Variants in TACC2 observed in about 807,000 individuals in gnomAD.
TACC2 encodes transforming acidic coiled-coil-containing protein 2.
In TACC2, 137 loss-of-function variants were observed where a neutral mutation model predicts 227.3. The ratio of observed to expected loss-of-function variants is 0.60; its 90% CI spans 0.52 to 0.69. The LOEUF (loss-of-function observed/expected upper bound fraction) is 0.69. Among genes scored for constraint, TACC2 ranks in the 30% least tolerant of loss-of-function variants. The pLI is 0.00. For missense variants in TACC2, 3,470 were observed against 3,694.4 expected (o/e 0.94, Z 1.57); for synonymous variants, 1,523 against 1,487.5 (o/e 1.02, Z -0.55).
Position 122,248,883 on chromosome 10 carries a change from C to T in TACC2, c.8553+80C>T, listed in dbSNP as rs2096189480. The T allele has an allele frequency of 3.8e-6, 6 of 1,586,246 alleles. No individual in the cohort carries two copies. The Admixed American group carries it at 5.1e-5, about 13-fold the overall frequency. On this transcript the variant is annotated intron_variant, in intron 20 of 22. Coordinates refer to ENST00000369005, the MANE Select transcript of TACC2 (RefSeq NM_206862.4). The stretch of plus-strand genomic sequence containing the variant: ...GGGAGCACTGGGAGGGGGTAGGATT[C>T]CAGAAGTTGGTCTTGAGCCACCTGC...
At chr10:122,118,007 CTCTTTT>C (rs1357133767) in intron 5 of TACC2, among the ~76,000 whole-genome samples, 2 of 151,118 alleles carry the variant, frequency 1.3e-5, no homozygotes, top group Non-Finnish European at 3.0e-5. Flanking sequence ...CTTTGTTTTT[CTCTTTT>C]TCTTTTTTTT....
rs748510179 is a variant in TACC2, at chr10:122,085,628, C to A, written c.3128C>A (p.Ala1043Asp). Reference sequence around the variant, plus strand: ...ATGGCAAGTGGAAACACAGGGGAGGCCCCACCTTGTCAGCCTGACTCAGTA... The same window carrying A: ...ATGGCAAGTGGAAACACAGGGGAGGACCCACCTTGTCAGCCTGACTCAGTA... Reference protein sequence around the residue: ...REMASGNTGEAPPCQPDSVAL... With the variant: ...REMASGNTGEDPPCQPDSVAL... The change falls in exon 4 of 23, where the codon GCC becomes GAC. Residue 1043 changes from alanine (A) to aspartate (D), a missense_variant. Physicochemically the swap from Ala to Asp is moderately radical, Grantham distance 126 (BLOSUM62 -2). This residue lies in a region of TACC2 where 1,924 missense variants were observed against 1,978.3 expected (regional missense o/e 0.97). Coordinates refer to ENST00000369005, the MANE Select transcript of TACC2 (RefSeq NM_206862.4). 10 of 1,613,396 alleles carry A rather than the reference C, an allele frequency of 6.2e-6. No individual in the cohort carries two copies. In the Admixed American group the frequency reaches 6.7e-5, roughly 11 times the overall value.
intron 2 of TACC2, among the ~76,000 whole-genome samples, chr10:122,030,031 A>G (rs1323774160): frequency 6.6e-6 from 1 of 152,102 alleles, no homozygotes; most frequent in Non-Finnish European, 1.5e-5. Context: ...TCTGGTAGGT[A>G]GAGGTCAGTG....
chr10:122,007,195 A>G (rs2135239116), intron 1 of TACC2, among the ~76,000 whole-genome samples: 1 of 152,090 alleles, frequency 6.6e-6, no homozygotes, highest in Non-Finnish European at 1.5e-5. Context: ...CGTTTATTAA[A>G]TTTTAATTTA....
At chr10:122,199,845 A>G (rs2094719706) in intron 8 of TACC2, among the ~76,000 whole-genome samples, 1 of 151,918 alleles carries the variant, frequency 6.6e-6, no homozygotes. Context: ...CATAGACAGC[A>G]CCTCCTCCCT....
chr10:122,192,106 G>T (rs961220757), intron 7 of TACC2, among the ~76,000 whole-genome samples: 1 of 152,120 alleles, frequency 6.6e-6, no homozygotes, highest in Non-Finnish European at 1.5e-5. Flanking sequence ...CCCAAGAGAG[G>T]GTTCAGAAAT....
chr10:122,232,181 A>T (rs1451444755), intron 16 of TACC2, among the ~76,000 whole-genome samples: 1 of 152,242 alleles, frequency 6.6e-6, no homozygotes, highest in African/African-American at 2.4e-5. Flanking sequence ...ATTTTTAGAA[A>T]GCATGAAGCA....
At chr10:122,124,332 C>A (rs1592285847) in intron 5 of TACC2, among the ~76,000 whole-genome samples, 1 of 152,200 alleles carries the variant, frequency 6.6e-6, no homozygotes, top group South Asian at 2.1e-4. Flanking sequence ...CCCAGTGTGT[C>A]CTGCATCACC....
At chr10:122,147,801 T>A (rs1565435387) in intron 7 of TACC2, among the ~76,000 whole-genome samples, 1 of 152,162 alleles carries the variant, frequency 6.6e-6, no homozygotes, top group Admixed American at 6.5e-5. Flanking sequence ...GGATCTGCAT[T>A]GTTAAAGACC....
intron 7 of TACC2, among the ~76,000 whole-genome samples, chr10:122,167,333 G>A (rs1277150153): frequency 6.6e-6 from 1 of 152,228 alleles, no homozygotes. Context: ...CAGGCTCTGT[G>A]ATTGATGAGA....
intron 3 of TACC2, among the ~76,000 whole-genome samples, chr10:122,066,123 G>T (rs1056874577): frequency 2.0e-5 from 3 of 151,040 alleles, no homozygotes; most frequent in African/African-American, 4.9e-5. Flanking sequence ...TTGAGACAGG[G>T]TCTCACTCTA....
rs749183444 is a variant in TACC2, at chr10:122,087,792, T to G, written c.5292T>G (p.Leu1764=). 2.0e-5 allele frequency: 32 copies of G among 1,592,984 alleles called. No individual in the cohort carries two copies. In the Admixed American group the frequency reaches 2.7e-4, roughly 13 times the overall value. Residue 1764 remains leucine (L), a synonymous_variant, in exon 4 of 23, where the codon CTT becomes CTG. Coordinates refer to ENST00000369005, the MANE Select transcript of TACC2 (RefSeq NM_206862.4). Reference sequence around the variant, plus strand: ...CGGGGATGGAGGGTACAGCTGCCCTTCATGGGGACAGCCCAGCCAGGCCCC... The same window carrying G: ...CGGGGATGGAGGGTACAGCTGCCCTGCATGGGGACAGCCCAGCCAGGCCCC... ...KAPGMEGTAA[L]HGDSPARPQQ...
At chr10:122,097,686 T>C (rs2081610165) in intron 5 of TACC2, among the ~76,000 whole-genome samples, 2 of 151,408 alleles carry the variant, frequency 1.3e-5, no homozygotes, top group Non-Finnish European at 2.9e-5. Context: ...TGCTGGGTGC[T>C]ATTAGGACTG....
In TACC2 at chr10:122,132,639, C is replaced by T. The variant is rs545751147; in HGVS notation, c.5604C>T (p.Pro1868=). The stretch of plus-strand genomic sequence containing the variant: ...CTGTGGCAGATGATATCATCCAGCC[C>T]GCTGCCCCCGCAGACCTGGAAAGCC... The part of the protein sequence containing the change: ...SSPVADDIIQ[P]AAPADLESPT... Residue 1868 remains proline (P), a synonymous_variant, in exon 6 of 23, where the codon CCC becomes CCT. Coordinates refer to ENST00000369005, the MANE Select transcript of TACC2 (RefSeq NM_206862.4). The T allele has an allele frequency of 8.1e-6, 13 of 1,614,164 alleles. No homozygotes were observed. In the South Asian group the frequency reaches 8.8e-5, roughly 11 times the overall value.
chr10:122,213,006 C>T (rs545946464), intron 9 of TACC2, among the ~76,000 whole-genome samples: 23 of 152,376 alleles, frequency 1.5e-4, no homozygotes, highest in African/African-American at 5.5e-4. Context: ...TTCTGTGTCT[C>T]ATAGGCGTCC....
intron 5 of TACC2, among the ~76,000 whole-genome samples, chr10:122,107,521 G>A (rs868003178): frequency 2.6e-5 from 4 of 151,986 alleles, no homozygotes; most frequent in Non-Finnish European, 4.4e-5. Flanking sequence ...CCTGGGAGGC[G>A]GAGGTTGCAG....
At chr10:122,076,322 C>T (rs1290529915) in intron 3 of TACC2, among the ~76,000 whole-genome samples, 8 of 152,156 alleles carry the variant, frequency 5.3e-5, no homozygotes, top group Admixed American at 5.2e-4. Flanking sequence ...GAGGGCAGGG[C>T]CTTCACAACC....
At position 122,096,289 on chromosome 10, in the gene TACC2, A is replaced by G. The variant is rs116326628; in HGVS notation, c.5573+7698A>G. ...CTCACATCCAGGCCTGCGCACCCGT[A>G]TCTGAGCTGGCATTGTAAGAAGCCC... On this transcript the variant is annotated intron_variant, in intron 5 of 22. Coordinates refer to ENST00000369005, the MANE Select transcript of TACC2 (RefSeq NM_206862.4). 4.0e-3 allele frequency among the ~76,000 whole-genome samples: 612 copies of G among 152,312 alleles called. 7 individuals are homozygous for G. The highest frequency in any genetic ancestry group is 0.014 in the African/African-American group (594 of 41,572).
At chr10:122,201,997 A>T (rs1175093893) in intron 8 of TACC2, among the ~76,000 whole-genome samples, 1 of 143,680 alleles carries the variant, frequency 7.0e-6, no homozygotes, top group Admixed American at 6.9e-5. Context: ...GTCTGTCTTC[A>T]TGCTGTCTTC....
Sources: gnomAD v4.1 joint callset for allele counts (sites outside exome capture counted in the v4.1 genomes callset) on GRCh38, gnomAD v4.1.1 for gene constraint, gnomAD v4.1.1 regional missense constraint, MANE v1.5 for transcripts, NCBI Gene and HGNC (gene_info 2026-07-23, HGNC 2026-07-21) for gene names.